Variants in CKAP5 observed in about 807,000 individuals in gnomAD.
CKAP5 encodes cytoskeleton associated protein 5, also known as cytoskeleton-associated protein 5.
A neutral mutation model predicts 232.8 loss-of-function variants in CKAP5; 27 were observed. The ratio of observed to expected loss-of-function variants is 0.12; its 90% CI spans 0.09 to 0.16. CKAP5 has a LOEUF of 0.16. Among genes scored for constraint, CKAP5 ranks in the 10% least tolerant of loss-of-function variants. The pLI is 1.00. For missense variants in CKAP5, 1,838 were observed against 2,424.7 expected (o/e 0.76, Z 5.08); for synonymous variants, 785 against 841.1 (o/e 0.93, Z 1.16).
chr11:46,805,384 G>A (rs1482700128), intron 8 of CKAP5, among the ~76,000 whole-genome samples: 2 of 152,024 alleles, frequency 1.3e-5, no homozygotes, highest in African/African-American at 2.4e-5. Flanking sequence ...TAAAGTTAAT[G>A]CCTTTTTACT....
rs749491954 is a variant in CKAP5 at position 46,809,436 on chromosome 11, G to T, written c.828C>A (p.Ile276=). 3 of 1,613,072 alleles carry T rather than the reference G, an allele frequency of 1.9e-6. No homozygotes were observed. Among genetic ancestry groups the T allele is most frequent in the Non-Finnish European group, 1.7e-6 (2 of 1,179,354 alleles). The change falls in exon 7 of 44, where the codon ATC becomes ATA. Residue 276 remains isoleucine, a synonymous_variant. Transcript: ENST00000529230. ...AAAAGTCTTTGGGAAGTTTGGAAAG[G>T]ATTTCTACAGCTTCTAAAAGCTCAT... ...DAYELLEAVE[I]LSKLPKDFYD... is the part of the protein sequence containing the mutation.
At chr11:46,782,341 G>C (rs1323831234) in intron 18 of CKAP5, among the ~76,000 whole-genome samples, 2 of 152,124 alleles carry the variant, frequency 1.3e-5, no homozygotes, top group African/African-American at 4.8e-5. Context: ...CAAAAAAGAG[G>C]AAAATATATG....
intron 1 of CKAP5, among the ~76,000 whole-genome samples, chr11:46,842,942 G>C (rs929027027): frequency 4.1e-5 from 6 of 144,952 alleles, no homozygotes; most frequent in African/African-American, 1.5e-4. Context: ...ACTCCAGCCT[G>C]GGTGACAGAG....
intron 13 of CKAP5, among the ~76,000 whole-genome samples, chr11:46,794,119 G>C (rs748582610): frequency 5.9e-5 from 9 of 152,114 alleles, no homozygotes; most frequent in African/African-American, 1.9e-4. Flanking sequence ...AGACATAAAT[G>C]TAAGACCTAA....
chr11:46,815,559 AG>A (rs1176517843), intron 4 of CKAP5, among the ~76,000 whole-genome samples: 1 of 152,136 alleles, frequency 6.6e-6, no homozygotes, highest in Non-Finnish European at 1.5e-5. Context: ...AGCCTTCCAA[AG>A]TGCTGGGATT....
rs1349821746 is a variant in CKAP5 at position 46,805,828 on chromosome 11, T to C, written c.978+2203A>G. Among the ~76,000 whole-genome samples the C allele has an allele frequency of 2.0e-5, 3 of 152,042 alleles. No individual in the cohort carries two copies. In the East Asian group the frequency reaches 5.8e-4, roughly 29 times the overall value. On this transcript the variant is annotated intron_variant, in intron 8 of 43. Coordinates refer to ENST00000529230, the MANE Select transcript of CKAP5 (RefSeq NM_001008938.4). ...GCAAGTGCCTATAAATCCCAGCTATTTGGGAGGCTGAGGCAGAAGAATCAC... is the reference window on the plus strand; with the variant it reads ...GCAAGTGCCTATAAATCCCAGCTATCTGGGAGGCTGAGGCAGAAGAATCAC...
intron 9 of CKAP5, among the ~76,000 whole-genome samples, chr11:46,800,424 A>C (rs1222282425): frequency 2.6e-5 from 4 of 152,218 alleles, no homozygotes; most frequent in Middle Eastern, 3.2e-3. Context: ...GACTATTAGG[A>C]AACTCCTAAG....
At position 46,744,324 on chromosome 11, in the gene CKAP5, C is replaced by T. The variant is rs995465434; in HGVS notation, c.5857-59G>A. The T allele has an allele frequency of 5.0e-6, 8 of 1,612,164 alleles. No individual in the cohort carries two copies. The African/African-American group carries it at 8.0e-5, about 16-fold the overall frequency. On this transcript the variant is annotated intron_variant, in intron 43 of 43. Transcript: ENST00000529230. ...AGGTCAAGCAGGTCAAGATGCAGCT[C>T]CAGAACTACAGCAAGACTAAGCCAC...
At position 46,784,668 on chromosome 11, in the gene CKAP5, C is replaced by T; in HGVS notation, c.1974G>A (p.Met658Ile). The T allele has an allele frequency of 6.2e-7, 1 of 1,613,080 alleles. No homozygotes were observed. The highest frequency in any genetic ancestry group is 8.5e-7 in the Non-Finnish European group (1 of 1,179,274). Residue 658 changes from methionine (M) to isoleucine (I), a missense_variant, in exon 17 of 44, where the codon ATG (methionine) becomes ATA (isoleucine). By Grantham distance (10) the Met-to-Ile change is conservative. Transcript: ENST00000529230. ...PGWKETNFQV[M>I]QMKLHIVALI... is the part of the protein sequence containing the mutation. ...AAGCAACTATATGAAGCTTCATTTGCATCACCTGAACAAGGATCAGTATCA... is the reference window on the plus strand; with the variant it reads ...AAGCAACTATATGAAGCTTCATTTGTATCACCTGAACAAGGATCAGTATCA...
chr11:46,789,233 T>C lies in CKAP5; in HGVS notation c.1876-460A>G, dbSNP rs35231765. 3.9e-3 allele frequency among the ~76,000 whole-genome samples: 593 copies of C among 152,350 alleles called. 2 individuals are homozygous for C. The highest frequency in any genetic ancestry group is 6.5e-3 in the Non-Finnish European group (439 of 68,032). On this transcript the variant is annotated intron_variant, in intron 15 of 43. Transcript: ENST00000529230. ...ACCCAATGGGCAGCAGACGCAGGAC[T>C]AGACGGCTTCTGCCATAAGTGACAG...
chr11:46,786,806 C>T (rs752176760), intron 16 of CKAP5, among the ~76,000 whole-genome samples: 9 of 152,064 alleles, frequency 5.9e-5, no homozygotes, highest in Non-Finnish European at 1.0e-4. Flanking sequence ...CTGGCATGAC[C>T]CAGCGCGCAC....
Position 46,751,553 on chromosome 11 carries a change from A to G in CKAP5, c.5134-19T>C. 6.3e-7 allele frequency: 1 copy of G among 1,585,874 alleles called. No individual in the cohort carries two copies. Among genetic ancestry groups the G allele is most frequent in the South Asian group, 1.1e-5 (1 of 88,272 alleles). ...AGAGACACTATTGAAAAAAGAATAAAAGAGTTAGGAGTGACTGAAGAATGA... is the reference window on the plus strand; with the variant it reads ...AGAGACACTATTGAAAAAAGAATAAGAGAGTTAGGAGTGACTGAAGAATGA... On this transcript the variant is annotated intron_variant, in intron 38 of 43. Coordinates refer to ENST00000529230, the MANE Select transcript of CKAP5 (RefSeq NM_001008938.4).
Position 46,795,463 on chromosome 11 carries a change from C to G in CKAP5, c.1650+131G>C, listed in dbSNP as rs1374514262. 4.7e-5 allele frequency: 32 copies of G among 682,160 alleles called. No individual in the cohort carries two copies. The South Asian group carries it at 7.7e-4, about 17-fold the overall frequency. The allele number at this position is 682,160 out of a possible 1,614,324, so 42.3% of individuals were successfully genotyped here. ...TGCTGGAATATCCTATCTTCATTAA[C>G]AGATTTTCTGCTGTATTTTTAATGT... On this transcript the variant is annotated intron_variant, in intron 13 of 43. Coordinates refer to ENST00000529230, the MANE Select transcript of CKAP5 (RefSeq NM_001008938.4).
chr11:46,784,502 A>T lies in CKAP5; in HGVS notation c.2140T>A (p.Trp714Arg). 2 of 1,613,914 alleles carry T rather than the reference A, an allele frequency of 1.2e-6. No homozygotes were observed. The highest frequency in any genetic ancestry group is 1.7e-6 in the Non-Finnish European group (2 of 1,179,834). ...GTGTCACTAACCTGTTCAGCAGTCC[A>T]TGGTAACATACAGGCTTCGGCTATT... ...TAIAEACMLP[W>R]TAEQVVSMAF... is the part of the protein sequence containing the mutation. The change falls in exon 17 of 44, where the codon TGG becomes AGG. Residue 714 changes from tryptophan (W) to arginine (R), a missense_variant. Physicochemically the swap from Trp to Arg is moderately radical, Grantham distance 101 (BLOSUM62 -3). Coordinates refer to ENST00000529230, the MANE Select transcript of CKAP5 (RefSeq NM_001008938.4).
chr11:46,745,221 T>G (rs763489975), intron 42 of CKAP5, among the ~76,000 whole-genome samples: 10 of 152,310 alleles, frequency 6.6e-5, no homozygotes, highest in Non-Finnish European at 1.3e-4. Flanking sequence ...AATATTTCAC[T>G]TGGTATCAAT....
At chr11:46,767,850 G>T (rs969735694) in intron 26 of CKAP5, among the ~76,000 whole-genome samples, 187 bp from the exon 27 acceptor site, 1 of 151,974 alleles carries the variant, frequency 6.6e-6, no homozygotes, top group Non-Finnish European at 1.5e-5. Context: ...GAGTACAGTG[G>T]TGCCTTCACG....
In CKAP5 at chr11:46,744,544, G is replaced by A. The variant is rs2065008525; in HGVS notation, c.5738C>T (p.Pro1913Leu). 1.9e-6 allele frequency: 3 copies of A among 1,614,018 alleles called. No homozygotes were observed. Among genetic ancestry groups the A allele is most frequent in the Non-Finnish European group, 1.7e-6 (2 of 1,179,928 alleles). Residue 1913 changes from proline to leucine, a missense_variant, in exon 43 of 44, where the codon CCC becomes CTC. By Grantham distance (98) the Pro-to-Leu change is moderately conservative. Around this residue, in one of 6 missense-constraint regions of CKAP5, gnomAD observed 579 missense variants for 843.2 expected, o/e 0.69. Coordinates refer to ENST00000529230, the MANE Select transcript of CKAP5 (RefSeq NM_001008938.4). ...ISPQMEVTCVPTPTSTVSSIG... is the reference protein window; with the variant it reads ...ISPQMEVTCVLTPTSTVSSIG... ...GGAGGACACTGTGCTTGTGGGCGTG[G>A]GCACACATGTGACTTCCATCTGAGG...
chr11:46,770,787 C>T lies in CKAP5; in HGVS notation c.3186+1G>A. On this transcript the variant is annotated splice_donor_variant, in intron 25 of 43. Transcript: ENST00000529230. LOFTEE classifies it high-confidence loss of function. The stretch of plus-strand genomic sequence containing the variant: ...GCAGTAGCAGCAACAAGAAGTAGTA[C>T]CTTTAGTTTCCCAGTAGCCTTGGCC... 1 of 1,612,830 alleles carries T rather than the reference C, an allele frequency of 6.2e-7. No homozygotes were observed. The highest frequency in any genetic ancestry group is 8.5e-7 in the Non-Finnish European group (1 of 1,179,478).
chr11:46,832,829 C>T (rs757979549), intron 1 of CKAP5, among the ~76,000 whole-genome samples: 4 of 151,888 alleles, frequency 2.6e-5, no homozygotes, highest in Admixed American at 6.6e-5. Flanking sequence ...TAGTGGCATG[C>T]GCCTGTAGTC....
Sources: allele counts gnomAD v4.1 joint callset (sites outside exome capture counted in the v4.1 genomes callset), GRCh38; gene constraint gnomAD v4.1.1; regional missense constraint gnomAD v4.1.1; transcripts MANE v1.5; gene names NCBI Gene and HGNC (gene_info 2026-07-23, HGNC 2026-07-21).